USP15: variants seen among roughly 807,000 people sequenced by gnomAD.
USP15 encodes ubiquitin specific peptidase 15.
A neutral mutation model predicts 127.1 loss-of-function variants in USP15; 18 were observed. The observed-to-expected ratio is 0.14, with a 90% CI of 0.10 to 0.21. The LOEUF is 0.21. USP15 is among the 10% of genes least tolerant of loss of function. The pLI is 1.00. For synonymous variants in USP15, 364 were observed against 393.7 expected (o/e 0.92, Z 0.89); for missense variants, 805 against 1,159.9 (o/e 0.69, Z 4.44).
chr12:62,403,801 A>T (rs1387416361), intron 21 of USP15, among the ~76,000 whole-genome samples: 6 of 151,978 alleles, frequency 3.9e-5, no homozygotes, highest in Non-Finnish European at 8.8e-5. Flanking sequence ...GAAAAGTTGG[A>T]CTCTACAGCA....
chr12:62,360,796 T>G (rs2066290730), intron 8 of USP15, among the ~76,000 whole-genome samples: 1 of 152,094 alleles, frequency 6.6e-6, no homozygotes, highest in South Asian at 2.1e-4. Flanking sequence ...TTAAAACTAC[T>G]ACTTTCTAGG....
chr12:62,284,687 G>A (rs1044724880), intron 1 of USP15, among the ~76,000 whole-genome samples: 1 of 151,966 alleles, frequency 6.6e-6, no homozygotes, highest in African/African-American at 2.4e-5. Flanking sequence ...CTTTACCTTT[G>A]ATTCTGCTTG....
chr12:62,391,275 A>G lies in USP15; in HGVS notation c.2079A>G (p.Gly693=), dbSNP rs1414036251. The change falls in exon 16 of 22, where the codon GGA becomes GGG. Residue 693 remains glycine, a synonymous_variant. Transcript: ENST00000280377. ...GAGGAGATAATGATTCTGAAAATGG[A>G]TTATGTACTGAGGATACTTGCAAAG... ...SVGGDNDSEN[G]LCTEDTCKGQ... 1.2e-6 allele frequency: 2 copies of G among 1,613,654 alleles called. No individual in the cohort carries two copies. Among genetic ancestry groups the G allele is most frequent in the Admixed American group, 3.3e-5 (2 of 59,966 alleles).
At chr12:62,398,668 C>T (rs886563271) in intron 20 of USP15, among the ~76,000 whole-genome samples, 2 of 152,030 alleles carry the variant, frequency 1.3e-5, no homozygotes, top group Non-Finnish European at 2.9e-5. Flanking sequence ...TTTAGGAGTC[C>T]GAAAGTTGTA....
chr12:62,368,997 A>G (rs1167708116), intron 8 of USP15, among the ~76,000 whole-genome samples: 1 of 152,298 alleles, frequency 6.6e-6, no homozygotes, highest in East Asian at 1.9e-4. Context: ...CTCAACAAGC[A>G]TTCATTGAGT....
At chr12:62,348,353 A>T (rs1452064661) in intron 6 of USP15, among the ~76,000 whole-genome samples, 1 of 152,216 alleles carries the variant, frequency 6.6e-6, no homozygotes, top group Non-Finnish European at 1.5e-5. Context: ...TTTGTAGATT[A>T]TGCTTTTCTG....
At chr12:62,311,030 A>G (rs1446108684) in intron 3 of USP15, among the ~76,000 whole-genome samples, 1 of 151,942 alleles carries the variant, frequency 6.6e-6, no homozygotes, top group Non-Finnish European at 1.5e-5. Flanking sequence ...GTCTTTTGAG[A>G]AATGTCTATT....
chr12:62,396,478 T>G (rs2067494345), intron 20 of USP15, 80 bp downstream of exon 20: 1 of 1,159,236 alleles, frequency 8.6e-7, no homozygotes, highest in Non-Finnish European at 1.3e-6. Context: ...TATTTATTAC[T>G]TCTTAAGGAT....
At position 62,412,335 on chromosome 12, in the gene USP15, T is replaced by C. The variant is rs1592759282; in HGVS notation, c.*7960T>C. 1.3e-5 allele frequency: 2 copies of C among 152,114 alleles called. No homozygotes were observed. The highest frequency in any genetic ancestry group is 2.9e-5 in the Non-Finnish European group (2 of 68,012). The allele number at this position is 152,114 out of a possible 1,614,324, so 9.4% of individuals were successfully genotyped here. ...TCACCAGGATGGTGGTTGCTGAAGGTTAGGGTGGCCGTGGCAATTTTTTAC... is the reference window on the plus strand; with the variant it reads ...TCACCAGGATGGTGGTTGCTGAAGGCTAGGGTGGCCGTGGCAATTTTTTAC... On this transcript the variant is annotated 3_prime_UTR_variant, in exon 22 of 22. Transcript: ENST00000280377.
In USP15 at chr12:62,413,568, T is replaced by C. The variant is rs1334238147; in HGVS notation, c.*9193T>C. The C allele has an allele frequency of 1.3e-5, 2 of 152,256 alleles. No individual in the cohort carries two copies. The highest frequency in any genetic ancestry group is 3.8e-4 in the East Asian group (2 of 5,196). 9.4% of individuals were successfully genotyped at this position (152,256 alleles called of 1,614,324 possible). On this transcript the variant is annotated 3_prime_UTR_variant, in exon 22 of 22. Transcript: ENST00000280377. The stretch of plus-strand genomic sequence containing the variant: ...GCTTGTCTGTTGTGGAGACAGCTTG[T>C]TTCCTTAAACTCCATGAATCAACCA...
At chr12:62,327,757 T>C (rs1270492231) in intron 6 of USP15, 2 of 376,132 alleles carry the variant, frequency 5.3e-6, no homozygotes, top group African/African-American at 2.2e-5. Flanking sequence ...ACCATACTCA[T>C]GCAATAAATA....
chr12:62,352,773 C>T (rs1027424298), intron 7 of USP15, among the ~76,000 whole-genome samples: 2 of 151,730 alleles, frequency 1.3e-5, no homozygotes, highest in African/African-American at 4.8e-5. Context: ...AGTCAGGTGT[C>T]AGTGCTAGTT....
At chr12:62,312,333 A>G (rs548941421) in intron 3 of USP15, 24 of 337,012 alleles carry the variant, frequency 7.1e-5, no homozygotes, top group South Asian at 5.0e-4. Context: ...GAAACTTTTC[A>G]TACACAGACA....
At chr12:62,381,708 C>G (rs763085021) in intron 9 of USP15, 45 bp downstream of exon 9, 43 of 1,568,538 alleles carry the variant, frequency 2.7e-5, no homozygotes, top group Non-Finnish European at 3.5e-5. Context: ...TGCAAGGGTA[C>G]AAAAGTTGGT....
intron 7 of USP15, among the ~76,000 whole-genome samples, chr12:62,354,750 A>C (rs1056549124): frequency 6.6e-6 from 1 of 151,932 alleles, no homozygotes; most frequent in Non-Finnish European, 1.5e-5. Context: ...GCGTGGAATC[A>C]TTTTTGCATT....
chr12:62,291,757 A>G (rs527841254), intron 1 of USP15, among the ~76,000 whole-genome samples: 1 of 152,286 alleles, frequency 6.6e-6, no homozygotes, highest in African/African-American at 2.4e-5. Context: ...CAAAGACTCT[A>G]TATGAATTTC....
chr12:62,381,443 AT>A (rs1321081682), intron 8 of USP15, 46 bp from the exon 9 acceptor site: 3 of 1,494,862 alleles, frequency 2.0e-6, no homozygotes, highest in Non-Finnish European at 2.7e-6. Flanking sequence ...TTTAAGAAAA[AT>A]TCATTATGAT....
At chr12:62,275,813 G>C (rs755153000) in intron 1 of USP15, among the ~76,000 whole-genome samples, 9 of 152,104 alleles carry the variant, frequency 5.9e-5, no homozygotes, top group Non-Finnish European at 1.0e-4. Flanking sequence ...TGATGCAGTA[G>C]AGTTGGACAG....
chr12:62,366,845 A>C (rs182344016), intron 8 of USP15, among the ~76,000 whole-genome samples: 2 of 152,234 alleles, frequency 1.3e-5, no homozygotes, highest in Admixed American at 1.3e-4. Context: ...TACGTGATGG[A>C]TTACTTTTAT....
Sources: gnomAD v4.1 joint callset for allele counts (sites outside exome capture counted in the v4.1 genomes callset) on GRCh38, gnomAD v4.1.1 for gene constraint, MANE v1.5 for transcripts, NCBI Gene and HGNC (gene_info 2026-07-23, HGNC 2026-07-21) for gene names.